The following CDK14 variants were observed in gnomAD, a reference collection of about 807,000 sequenced individuals.
CDK14 encodes cyclin-dependent kinase 14.
CDK14 carries 34 observed loss-of-function variants against 60.7 expected under a neutral mutation model. The observed-to-expected ratio is 0.56, with a 90% CI of 0.43 to 0.75. The LOEUF (loss-of-function observed/expected upper bound fraction) is 0.75. Ranked by LOEUF, CDK14 falls within the 30% of genes least tolerant of loss-of-function variation. The pLI, the probability that CDK14 is intolerant of heterozygous loss-of-function variation, is 0.00. For synonymous variants in CDK14, 197 were observed against 203.7 expected, an observed-to-expected ratio of 0.97 and a Z score of 0.28; for missense variants, 482 against 564.1, an observed-to-expected ratio of 0.85 and a Z score of 1.47.
chr7:90,834,541 A>G (rs539613901), intron 5 of CDK14, among the ~76,000 whole-genome samples: 216 of 152,330 alleles, frequency 1.4e-3, no homozygotes, highest in African/African-American at 5.0e-3. Context: ...CGTTTGCAGC[A>G]TAAGTTTTAA....
intron 7 of CDK14, among the ~76,000 whole-genome samples, chr7:90,913,033 A>G (rs1792958349): frequency 6.6e-6 from 1 of 152,128 alleles, no homozygotes; most frequent in Admixed American, 6.5e-5. Flanking sequence ...TTTTATTAGC[A>G]AAGCTGATTC....
At chr7:90,698,358 CTT>C (rs1303362033) in intron 2 of CDK14, among the ~76,000 whole-genome samples, 1 of 152,162 alleles carries the variant, frequency 6.6e-6, no homozygotes, top group Non-Finnish European at 1.5e-5. Context: ...GGTTGTGACA[CTT>C]TATGCTACTC....
intron 5 of CDK14, among the ~76,000 whole-genome samples, chr7:90,830,524 C>T (rs1037077426): frequency 8.5e-5 from 13 of 152,198 alleles, no homozygotes; most frequent in South Asian, 4.1e-4. Context: ...CTGAAATGCC[C>T]TGGATACGTT....
At chr7:90,723,411 G>A (rs1584823085) in intron 2 of CDK14, among the ~76,000 whole-genome samples, 1 of 152,130 alleles carries the variant, frequency 6.6e-6, no homozygotes, top group Non-Finnish European at 1.5e-5. Context: ...GACTCACAAG[G>A]TTGTTTGCAG....
intron 5 of CDK14, among the ~76,000 whole-genome samples, chr7:90,815,644 A>G (rs1281699602): frequency 6.6e-6 from 1 of 152,244 alleles, no homozygotes; most frequent in African/African-American, 2.4e-5. Context: ...ATTATTCACA[A>G]TAGCAAAGAC....
intron 7 of CDK14, among the ~76,000 whole-genome samples, chr7:90,911,291 T>G (rs1013880598): frequency 1.3e-5 from 2 of 152,196 alleles, no homozygotes; most frequent in African/African-American, 2.4e-5. Flanking sequence ...AATGATGTAA[T>G]TTAACAATGT....
At chr7:90,780,817 G>A (rs1433265420) in intron 4 of CDK14, among the ~76,000 whole-genome samples, 1 of 151,830 alleles carries the variant, frequency 6.6e-6, no homozygotes, top group Non-Finnish European at 1.5e-5. Context: ...GGACATTTGG[G>A]TTGGTTCCAA....
At chr7:90,654,362 G>A (rs776405368) in intron 2 of CDK14, among the ~76,000 whole-genome samples, 6 of 152,214 alleles carry the variant, frequency 3.9e-5, no homozygotes, top group Non-Finnish European at 8.8e-5. Flanking sequence ...AGTGGAAAAT[G>A]CAGACAACAA....
In CDK14 at chr7:90,666,835, C is replaced by T. The variant is rs191907810; in HGVS notation, c.124-59732C>T. 7.8e-4 allele frequency among the ~76,000 whole-genome samples: 118 copies of T among 152,244 alleles called. 1 individual carries two copies. The highest frequency in any genetic ancestry group is 3.4e-3 in the Middle Eastern group (1 of 294). On this transcript the variant is annotated intron_variant, in intron 2 of 14. Coordinates refer to ENST00000380050, the MANE Select transcript of CDK14 (RefSeq NM_001287135.2). ...ATTAAAGCCATTGCTGTCCTGATTG[C>T]CACATAGTCCAAACACAAGAAATGC...
At chr7:90,801,377 T>G (rs1788626141) in intron 5 of CDK14, among the ~76,000 whole-genome samples, 1 of 152,236 alleles carries the variant, frequency 6.6e-6, no homozygotes, top group Admixed American at 6.5e-5. Context: ...GTTATTCATT[T>G]ATTTTTGTTT....
At chr7:90,912,650 C>A (rs1168815737) in intron 7 of CDK14, among the ~76,000 whole-genome samples, 2 of 152,166 alleles carry the variant, frequency 1.3e-5, no homozygotes, top group African/African-American at 4.8e-5. Context: ...CTTGGTCGCT[C>A]AGGCTGGAAT....
intron 2 of CDK14, among the ~76,000 whole-genome samples, chr7:90,713,377 A>T (rs1802132389): frequency 6.6e-6 from 1 of 152,078 alleles, no homozygotes; most frequent in Non-Finnish European, 1.5e-5. Flanking sequence ...CAACATAGCA[A>T]TATCCAATAC....
intron 10 of CDK14, among the ~76,000 whole-genome samples, chr7:90,992,631 A>C (rs1393583156): frequency 5.9e-5 from 9 of 152,204 alleles, no homozygotes; most frequent in Admixed American, 5.9e-4. Context: ...TGTTCACTGA[A>C]GTTTGTAAGG....
chr7:90,849,300 C>G (rs1790567387), intron 5 of CDK14, among the ~76,000 whole-genome samples: 1 of 151,064 alleles, frequency 6.6e-6, no homozygotes, highest in African/African-American at 2.5e-5. Flanking sequence ...TGACAGAAAT[C>G]TTCCTGAGGC....
chr7:90,742,600 C>T (rs528576658), intron 3 of CDK14, among the ~76,000 whole-genome samples: 14 of 151,762 alleles, frequency 9.2e-5, no homozygotes, highest in East Asian at 5.8e-4. Flanking sequence ...CTCTTCCTAC[C>T]GTGTTCTTTG....
chr7:91,010,831 TCCTCCCTCCCTC>T (rs1185539845), intron 10 of CDK14, among the ~76,000 whole-genome samples: 41 of 64,044 alleles, frequency 6.4e-4, no homozygotes, highest in African/African-American at 1.4e-3. Flanking sequence ...CTTCCTTCCT[TCCTCCCTCCCTC>T]CCTCCCTCCC....
intron 5 of CDK14, among the ~76,000 whole-genome samples, chr7:90,822,155 T>C (rs1398117074): frequency 6.6e-6 from 1 of 152,260 alleles, no homozygotes; most frequent in Non-Finnish European, 1.5e-5. Context: ...GTTTTTGGTA[T>C]TTTTGGCAGT....
At chr7:90,950,894 AAT>A (rs911712989) in intron 8 of CDK14, among the ~76,000 whole-genome samples, 4 of 152,316 alleles carry the variant, frequency 2.6e-5, no homozygotes, top group African/African-American at 9.6e-5. Flanking sequence ...ACCATAAGAA[AAT>A]ATTTGTTTGT....
At chr7:91,049,945 G>T (rs1797344478) in intron 11 of CDK14, among the ~76,000 whole-genome samples, 1 of 152,162 alleles carries the variant, frequency 6.6e-6, no homozygotes, top group South Asian at 2.1e-4. Context: ...AGGGGAGGGG[G>T]TGATTTACAG....
Sources: allele counts gnomAD v4.1 joint callset (sites outside exome capture counted in the v4.1 genomes callset), GRCh38; gene constraint gnomAD v4.1.1; transcripts MANE v1.5; gene names NCBI Gene and HGNC (gene_info 2026-07-23, HGNC 2026-07-21).